The following LCOR variants were observed in gnomAD, a reference collection of about 807,000 sequenced individuals.
LCOR encodes ligand-dependent corepressor.
Under a neutral mutation model 64.4 loss-of-function variants are expected in LCOR, and 14 were observed. The observed-to-expected ratio is 0.22, with a 90% CI of 0.14 to 0.34. The LOEUF is 0.34. Among genes scored for constraint, LCOR ranks in the 10% least tolerant of loss-of-function variants. LCOR has a pLI of 1.00. For missense variants in LCOR, 1,686 were observed against 1,765.3 expected (o/e 0.96, Z 0.80); for synonymous variants, 643 against 642.5 (o/e 1.00, Z -0.01).
At chr10:96,958,307 TA>T (rs1268221370) in intron 7 of LCOR, 2 of 1,495,076 alleles carry the variant, frequency 1.3e-6, no homozygotes, top group South Asian at 1.3e-5. Flanking sequence ...TCCTATGTGG[TA>T]GTCTATATAA....
At chr10:96,908,869 C>G (rs921519913) in intron 4 of LCOR, among the ~76,000 whole-genome samples, 26 of 152,094 alleles carry the variant, frequency 1.7e-4, no homozygotes, top group African/African-American at 6.3e-4. Flanking sequence ...GCGCCCGCCA[C>G]CTCGCCCGGC....
rs111321766 is a variant in LCOR at position 96,990,843 on chromosome 10, G to C, written c.*5709G>C. 1 of 151,944 alleles carries C rather than the reference G, an allele frequency of 6.6e-6. No individual in the cohort carries two copies. The highest frequency in any genetic ancestry group is 2.4e-5 in the African/African-American group (1 of 41,320). 9.4% of individuals were successfully genotyped at this position (151,944 alleles called of 1,614,324 possible). On this transcript the variant is annotated 3_prime_UTR_variant, in exon 8 of 8. Coordinates refer to ENST00000421806, the MANE Select transcript of LCOR (RefSeq NM_001346516.2). ...GGGGCAGTTGTGTAGTTATGCTGCC[G>C]GGTGAGCACAGACACACATACTTTC...
intron 4 of LCOR, among the ~76,000 whole-genome samples, chr10:96,942,616 C>CT (rs1847513391): frequency 6.6e-6 from 1 of 152,186 alleles, no homozygotes; most frequent in East Asian, 1.9e-4. Context: ...TCATATTAAG[C>CT]TTTTTACAAT....
intron 2 of LCOR, among the ~76,000 whole-genome samples, chr10:96,840,419 G>T (rs1417324213): frequency 6.6e-6 from 1 of 152,138 alleles, no homozygotes; most frequent in African/African-American, 2.4e-5. Context: ...TCTTATAATT[G>T]AGGGTAATAG....
chr10:96,958,773 G>T (rs577895913), intron 7 of LCOR: 22 of 230,228 alleles, frequency 9.6e-5, no homozygotes, highest in South Asian at 3.6e-4. Flanking sequence ...TTTGAGTGTA[G>T]ATTATTTTAA....
chr10:96,924,939 T>G (rs750232107), intron 4 of LCOR, among the ~76,000 whole-genome samples: 3 of 152,184 alleles, frequency 2.0e-5, no homozygotes, highest in African/African-American at 4.8e-5. Flanking sequence ...GACCTTTATA[T>G]TCTCCCTTCT....
intron 7 of LCOR, among the ~76,000 whole-genome samples, chr10:96,966,251 C>T (rs1373143958): frequency 1.1e-5 from 1 of 90,248 alleles, no homozygotes; most frequent in Non-Finnish European, 1.9e-5. Flanking sequence ...TTTTTTGAGA[C>T]GGAGTCTCGC....
chr10:96,954,768 T>G (rs973418242), intron 7 of LCOR, among the ~76,000 whole-genome samples: 4 of 152,172 alleles, frequency 2.6e-5, no homozygotes, highest in African/African-American at 9.7e-5. Flanking sequence ...CTTTTTCCTT[T>G]TTTTGTGAAC....
chr10:96,951,823 A>G (rs1847685752), intron 6 of LCOR, among the ~76,000 whole-genome samples: 1 of 152,122 alleles, frequency 6.6e-6, no homozygotes, highest in South Asian at 2.1e-4. Context: ...GTGAACTGCT[A>G]TTTCTAGTAT....
chr10:96,853,068 G>A (rs906881914), intron 2 of LCOR, among the ~76,000 whole-genome samples: 1 of 151,916 alleles, frequency 6.6e-6, no homozygotes, highest in Non-Finnish European at 1.5e-5. Flanking sequence ...TTTTTTTGAG[G>A]TGGAGTCTCG....
Position 96,982,232 on chromosome 10 carries a change from C to T in LCOR, c.1772C>T (p.Pro591Leu), listed in dbSNP as rs765549744. ...DVSPRKEPQE[P>L]EVCPTKIKPN... ...TCACCTCGAAAAGAACCTCAAGAGC[C>T]TGAGGTTTGCCCCACAAAGATTAAG... The change falls in exon 8 of 8, where the codon CCT becomes CTT. Residue 591 changes from proline to leucine, a missense_variant. Coordinates refer to ENST00000421806, the MANE Select transcript of LCOR (RefSeq NM_001346516.2). 2.5e-6 allele frequency: 4 copies of T among 1,614,100 alleles called. No individual in the cohort carries two copies. The highest frequency in any genetic ancestry group is 2.2e-5 in the South Asian group (2 of 91,094).
At chr10:96,871,428 T>C (rs910599736) in intron 2 of LCOR, among the ~76,000 whole-genome samples, 4 of 152,082 alleles carry the variant, frequency 2.6e-5, no homozygotes, top group African/African-American at 9.7e-5. Context: ...TTTTTCTTTT[T>C]TTGAATCAGG....
intron 2 of LCOR, among the ~76,000 whole-genome samples, chr10:96,890,654 G>T (rs1589635032): frequency 1.3e-5 from 2 of 152,082 alleles, no homozygotes; most frequent in Admixed American, 6.5e-5. Flanking sequence ...TTAGGGGAAA[G>T]CTTTCAGTAT....
intron 2 of LCOR, among the ~76,000 whole-genome samples, chr10:96,841,238 G>A (rs1260610474): frequency 4.6e-5 from 7 of 152,088 alleles, no homozygotes; most frequent in African/African-American, 1.4e-4. Flanking sequence ...TAAATGTGCA[G>A]TAATCTAGAT....
At chr10:96,906,549 A>G (rs1846731565) in intron 2 of LCOR, among the ~76,000 whole-genome samples, 1 of 152,226 alleles carries the variant, frequency 6.6e-6, no homozygotes, top group Non-Finnish European at 1.5e-5. Context: ...ATTTGAGATA[A>G]TAAGCCAGAA....
At chr10:96,952,750 CTAAAG>C (rs1052507381) in intron 7 of LCOR, among the ~76,000 whole-genome samples, 1 of 152,238 alleles carries the variant, frequency 6.6e-6, no homozygotes, top group East Asian at 1.9e-4. Context: ...TCTTAGGAGT[CTAAAG>C]TAAATTCTCT....
intron 7 of LCOR, chr10:96,957,842 G>A: frequency 1.0e-6 from 1 of 985,852 alleles, no homozygotes; most frequent in Non-Finnish European, 1.2e-6. Flanking sequence ...TTGTGTAGCA[G>A]TTTAATCAGT....
intron 1 of LCOR, 21 bp from the exon 2 acceptor site, chr10:96,833,385 T>C (rs1845382139): frequency 5.1e-6 from 5 of 985,424 alleles, no homozygotes; most frequent in African/African-American, 1.7e-5. Context: ...CTGTGTGTTT[T>C]GTCTGTTTTT....
chr10:96,952,060 C>G (rs764241775), intron 6 of LCOR, 43 bp from the exon 7 acceptor site: 3 of 1,438,078 alleles, frequency 2.1e-6, no homozygotes, highest in Non-Finnish European at 2.9e-6. Flanking sequence ...TACATTTGCT[C>G]CTAGCTTTTA....
Sources: gnomAD v4.1 joint callset for allele counts (sites outside exome capture counted in the v4.1 genomes callset) on GRCh38, gnomAD v4.1.1 for gene constraint, MANE v1.5 for transcripts, NCBI Gene and HGNC (gene_info 2026-07-23, HGNC 2026-07-21) for gene names.